SLC25A30: variants seen among roughly 807,000 people sequenced by gnomAD.
The protein encoded by SLC25A30 is kidney mitochondrial carrier protein 1.
A neutral mutation model predicts 42.7 loss-of-function variants in SLC25A30; 29 were observed. The observed-to-expected ratio is 0.68, with a 90% confidence interval of 0.51 to 0.93. The LOEUF (loss-of-function observed/expected upper bound fraction) is 0.93. Among genes scored for constraint, SLC25A30 ranks in the 40% least tolerant of loss-of-function variants. The probability of loss-of-function intolerance (pLI) is 0.00; values close to 1 mark genes in which losing one functional copy is unlikely to be tolerated. For synonymous variants in SLC25A30, 124 were observed against 131.0 expected, an observed-to-expected ratio of 0.95 and a Z score of 0.37; for missense variants, 300 against 359.7, an observed-to-expected ratio of 0.83 and a Z score of 1.34.
chr13:45,425,442 A>AT, the SLC25A30 span, among the ~76,000 whole-genome samples: 2 of 111,010 alleles, frequency 1.8e-5, no homozygotes, highest in Non-Finnish European at 3.4e-5. Context: ...ATATGTATAT[A>AT]TAAATATATA....
At chr13:45,415,434 A>C (rs1408742904) in intron 1 of SLC25A30, among the ~76,000 whole-genome samples, 1 of 152,102 alleles carries the variant, frequency 6.6e-6, no homozygotes, top group Non-Finnish European at 1.5e-5. Flanking sequence ...CAGCAGAGGA[A>C]ATAAAAAATT....
intron 3 of SLC25A30, among the ~76,000 whole-genome samples, chr13:45,407,410 A>G (rs1327353759): frequency 6.6e-6 from 1 of 151,810 alleles, no homozygotes. Context: ...GTGTGTGTGC[A>G]GCTAGGTGCA....
chr13:45,421,364 G>A (rs1293562974), upstream of SLC25A30, among the ~76,000 whole-genome samples: 2 of 123,894 alleles, frequency 1.6e-5, no homozygotes, highest in Non-Finnish European at 3.2e-5. Flanking sequence ...GGGCAACAGA[G>A]CAAGACTCCA....
At chr13:45,424,452 T>G in the SLC25A30 span, among the ~76,000 whole-genome samples, 7 of 59,212 alleles carry the variant, frequency 1.2e-4, no homozygotes, top group Non-Finnish European at 1.9e-4. Context: ...TATAAAAATA[T>G]ATAAACATAT....
At chr13:45,433,225 G>C in the SLC25A30 span, among the ~76,000 whole-genome samples, 1 of 152,128 alleles carries the variant, frequency 6.6e-6, no homozygotes. Context: ...ACCTCCAAGA[G>C]ATGAAATAAA....
At chr13:45,400,033 T>TAA (rs571184813) in intron 7 of SLC25A30, among the ~76,000 whole-genome samples, 1 of 122,988 alleles carries the variant, frequency 8.1e-6, no homozygotes, top group Non-Finnish European at 1.7e-5. Flanking sequence ...TATATATATA[T>TAA]ACACACACAC....
chr13:45,419,890 G>A (rs1167556818), upstream of SLC25A30, among the ~76,000 whole-genome samples: 5 of 149,162 alleles, frequency 3.4e-5, no homozygotes, highest in South Asian at 4.2e-4. Flanking sequence ...AGATCACGCC[G>A]CTGCACTCTA....
At chr13:45,423,872 A>T in the SLC25A30 span, among the ~76,000 whole-genome samples, 1 of 76,330 alleles carries the variant, frequency 1.3e-5, no homozygotes, top group Non-Finnish European at 2.3e-5. Flanking sequence ...ATATATATAA[A>T]ATATATAAAA....
intron 8 of SLC25A30, 176 bp from the exon 9 acceptor site, chr13:45,397,514 A>G (rs533448691): frequency 1.4e-5 from 7 of 485,068 alleles, no homozygotes; most frequent in Non-Finnish European, 2.6e-5. Context: ...AATGCAGTGA[A>G]ACCCTGTCTC....
rs367807886 is a variant in SLC25A30, at chr13:45,415,751, CA to C, written c.-56+2548del. Among the ~76,000 whole-genome samples the C allele has an allele frequency of 2.8e-3, 245 of 86,102 alleles. 2 individuals are homozygous for C. The highest frequency in any genetic ancestry group is 9.3e-3 in the African/African-American group (188 of 20,120). The allele number at this position is 86,102 out of a possible 152,430, so 56.5% of individuals were successfully genotyped here. On this transcript the variant is annotated intron_variant, in intron 1 of 9. Coordinates refer to ENST00000519676, the MANE Select transcript of SLC25A30 (RefSeq NM_001010875.4). The stretch of plus-strand genomic sequence containing the variant: ...TGGGTGACAGAGCGAGACTCCATCA[CA>C]AAAAAAAAAAAAAGAAAGAAAGCTG...
intron 1 of SLC25A30, among the ~76,000 whole-genome samples, chr13:45,413,883 C>T (rs887681774): frequency 2.0e-5 from 3 of 152,146 alleles, no homozygotes; most frequent in African/African-American, 7.2e-5. Flanking sequence ...GATTTGGCTA[C>T]TTTTTCCTCT....
the SLC25A30 span, among the ~76,000 whole-genome samples, chr13:45,428,192 G>GTTCT: frequency 3.3e-5 from 5 of 151,700 alleles, no homozygotes; most frequent in African/African-American, 1.2e-4. Flanking sequence ...ATTTGTTCAT[G>GTTCT]TTCTTTCTTT....
At chr13:45,424,341 A>C in the SLC25A30 span, among the ~76,000 whole-genome samples, 387 of 74,062 alleles carry the variant, frequency 5.2e-3, 3 homozygotes, top group Non-Finnish European at 7.4e-3. Flanking sequence ...ATATATAAAT[A>C]TATGAATATA....
chr13:45,407,256 G>A (rs1446264417), intron 3 of SLC25A30, among the ~76,000 whole-genome samples: 5 of 152,088 alleles, frequency 3.3e-5, no homozygotes, highest in Non-Finnish European at 7.4e-5. Context: ...AAAACTGGCC[G>A]GTTGTCATAG....
At chr13:45,405,813 CA>C (rs1882443987) in intron 4 of SLC25A30, 69 bp downstream of exon 4, 1 of 1,462,088 alleles carries the variant, frequency 6.8e-7, no homozygotes, top group Non-Finnish European at 9.5e-7. Context: ...AAACCTGCTC[CA>C]AAACCACTTG....
chr13:45,413,453 A>G (rs1167633806), intron 1 of SLC25A30, among the ~76,000 whole-genome samples: 1 of 152,248 alleles, frequency 6.6e-6, no homozygotes, highest in Admixed American at 6.5e-5. Flanking sequence ...ATTAAAAAGC[A>G]AAACAAAGCC....
At chr13:45,409,731 C>A (rs931741792) in intron 2 of SLC25A30, among the ~76,000 whole-genome samples, 1 of 152,148 alleles carries the variant, frequency 6.6e-6, no homozygotes, top group Non-Finnish European at 1.5e-5. Flanking sequence ...ATTGCTTGAA[C>A]CCAGGAGGCA....
At position 45,394,896 on chromosome 13, in the gene SLC25A30, C is replaced by G; in HGVS notation, c.*1078G>C. Reference sequence around the variant, plus strand: ...CATAAACTAAAGTAAAAACTGGAAACCTGGAAAAATCAACTCTTTGATTCA... The same window carrying G: ...CATAAACTAAAGTAAAAACTGGAAAGCTGGAAAAATCAACTCTTTGATTCA... On this transcript the variant is annotated 3_prime_UTR_variant, in exon 10 of 10. Transcript: ENST00000519676. 1 of 985,372 alleles carries G rather than the reference C, an allele frequency of 1.0e-6. No homozygotes were observed. The highest frequency in any genetic ancestry group is 1.2e-6 in the Non-Finnish European group (1 of 829,892). The allele number at this position is 985,372 out of a possible 1,614,324, so 61.0% of individuals were successfully genotyped here.
the SLC25A30 span, among the ~76,000 whole-genome samples, chr13:45,425,743 A>G: frequency 2.8e-5 from 4 of 142,458 alleles, no homozygotes; most frequent in Non-Finnish European, 4.5e-5. Flanking sequence ...CCCAGGCTGG[A>G]GGGCAGTGGT....
Sources: allele counts gnomAD v4.1 joint callset (sites outside exome capture counted in the v4.1 genomes callset), GRCh38; gene constraint gnomAD v4.1.1; transcripts MANE v1.5; gene names NCBI Gene and HGNC (gene_info 2026-07-23, HGNC 2026-07-21).